The following FOCAD variants were observed in gnomAD, a reference collection of about 807,000 sequenced individuals.
FOCAD encodes the protein focadhesin.
A neutral mutation model predicts 225.6 loss-of-function variants in FOCAD; 198 were observed. The observed-to-expected ratio is 0.88, with a 90% CI of 0.78 to 0.99. The LOEUF is 0.99. Ranked by LOEUF, FOCAD falls within the 50% of genes least tolerant of loss-of-function variation. FOCAD has a pLI of 0.00. For synonymous variants in FOCAD, 897 were observed against 755.0 expected (o/e 1.19, Z -3.08); for missense variants, 2,713 against 2,123.6 (o/e 1.28, Z -5.46).
At position 20,995,668 on chromosome 9, in the gene FOCAD, A is replaced by C; in HGVS notation, c.*39A>C. Reference sequence around the variant, plus strand: ...AACCAGCAGCATTCTCAGCTGGATGAGGAAAACCATATAAGTGGAAGAAGT... The same window carrying C: ...AACCAGCAGCATTCTCAGCTGGATGCGGAAAACCATATAAGTGGAAGAAGT... On this transcript the variant is annotated 3_prime_UTR_variant, in exon 44 of 44. Transcript: ENST00000338382. 6.4e-7 allele frequency: 1 copy of C among 1,567,824 alleles called. No individual in the cohort carries two copies. Among genetic ancestry groups the C allele is most frequent in the Non-Finnish European group, 8.8e-7 (1 of 1,139,442 alleles).
intron 7 of FOCAD, among the ~76,000 whole-genome samples, chr9:20,767,828 A>C (rs1014216492): frequency 2.7e-5 from 4 of 150,596 alleles, no homozygotes; most frequent in South Asian, 4.2e-4. Context: ...TCTTTAGTTT[A>C]ATTAGATCCC....
chr9:20,662,666 C>T (rs1468353558), intron 2 of FOCAD, among the ~76,000 whole-genome samples: 1 of 152,038 alleles, frequency 6.6e-6, no homozygotes, highest in East Asian at 1.9e-4. Context: ...CATTATATTG[C>T]CCAGGCTGGT....
intron 11 of FOCAD, among the ~76,000 whole-genome samples, chr9:20,790,586 A>G (rs1027456807): frequency 4.6e-5 from 7 of 152,196 alleles, no homozygotes; most frequent in Non-Finnish European, 8.8e-5. Flanking sequence ...AGCCTGGCCA[A>G]CATGGCGAAA....
At chr9:20,671,532 C>T (rs1822063474) in intron 2 of FOCAD, among the ~76,000 whole-genome samples, 1 of 152,156 alleles carries the variant, frequency 6.6e-6, no homozygotes, top group African/African-American at 2.4e-5. Flanking sequence ...TATATGGTGA[C>T]TGTTCAGTTT....
intron 8 of FOCAD, among the ~76,000 whole-genome samples, chr9:20,771,152 TAGAG>T (rs886942545): frequency 4.6e-5 from 7 of 152,096 alleles, no homozygotes; most frequent in South Asian, 2.1e-4. Flanking sequence ...TGTGCCCAAA[TAGAG>T]AGACATGAAA....
intron 39 of FOCAD, among the ~76,000 whole-genome samples, chr9:20,982,927 A>T (rs1383761657): frequency 6.6e-6 from 1 of 152,246 alleles, no homozygotes. Context: ...GTACATGCCA[A>T]ATGACACACT....
At chr9:20,799,704 A>G (rs1821571064) in intron 11 of FOCAD, among the ~76,000 whole-genome samples, 2 of 151,994 alleles carry the variant, frequency 1.3e-5, no homozygotes, top group African/African-American at 4.8e-5. Context: ...TGCTTGGTAG[A>G]TCTTCCTCCA....
In FOCAD at chr9:20,978,457, A is replaced by G. The variant is rs779496131; in HGVS notation, c.4377+3A>G. The G allele has an allele frequency of 7.6e-6, 12 of 1,586,420 alleles. No homozygotes were observed. The highest frequency in any genetic ancestry group is 1.0e-5 in the Non-Finnish European group (12 of 1,161,308). ...CACCACTGATCCACAGTCTGAGTGT[A>G]TGTAGTAACTAAGGGTGTTGGCCAA... is the stretch of plus-strand genomic sequence containing the variant. On this transcript the variant is annotated splice_donor_region_variant and intron_variant, in intron 37 of 43. Coordinates refer to ENST00000338382, the MANE Select transcript of FOCAD (RefSeq NM_001375567.1).
At chr9:20,955,744 A>C (rs188508045) in intron 35 of FOCAD, among the ~76,000 whole-genome samples, 19 of 152,048 alleles carry the variant, frequency 1.2e-4, no homozygotes, top group African/African-American at 4.3e-4. Flanking sequence ...TTTGACTTTT[A>C]CTTTTTTGCT....
intron 21 of FOCAD, among the ~76,000 whole-genome samples, chr9:20,902,979 A>G (rs1042167269): frequency 1.3e-5 from 2 of 151,894 alleles, no homozygotes; most frequent in Non-Finnish European, 2.9e-5. Flanking sequence ...TTTCAATTCT[A>G]TTTTTATTTG....
At chr9:20,892,301 A>G (rs1831680725) in intron 21 of FOCAD, among the ~76,000 whole-genome samples, 1 of 152,160 alleles carries the variant, frequency 6.6e-6, no homozygotes, top group South Asian at 2.1e-4. Context: ...TGAGAAATGC[A>G]TTTTGTAAGG....
chr9:20,740,639 A>G (rs796953404), intron 5 of FOCAD, among the ~76,000 whole-genome samples: 13 of 152,320 alleles, frequency 8.5e-5, no homozygotes, highest in African/African-American at 2.9e-4. Flanking sequence ...TCACAGTATT[A>G]TGAAAATGGA....
At chr9:20,923,808 C>T (rs893947722) in intron 25 of FOCAD, 40 bp downstream of exon 25, 1 of 1,488,764 alleles carries the variant, frequency 6.7e-7, no homozygotes. Context: ...TTGATTATGT[C>T]TTTTTAAGCC....
chr9:20,658,050 G>C (rs968117401), upstream of FOCAD, among the ~76,000 whole-genome samples: 6 of 146,854 alleles, frequency 4.1e-5, no homozygotes, highest in Non-Finnish European at 7.5e-5. Flanking sequence ...TGAGGTGTCA[G>C]TGTGCCCCTG....
chr9:20,749,707 GA>G (rs1417355944), intron 5 of FOCAD, among the ~76,000 whole-genome samples: 1 of 152,114 alleles, frequency 6.6e-6, no homozygotes, highest in Non-Finnish European at 1.5e-5. Context: ...TCCTCACACA[GA>G]AAAGGCAATC....
intron 34 of FOCAD, among the ~76,000 whole-genome samples, chr9:20,951,808 G>A (rs1215686933): frequency 6.6e-6 from 1 of 152,154 alleles, no homozygotes. Context: ...TCTGCTCCTT[G>A]CTCTTTATAG....
In FOCAD at chr9:20,817,859, T is replaced by G. The variant is rs529315408; in HGVS notation, c.1456-1937T>G. On this transcript the variant is annotated intron_variant, in intron 11 of 43. Coordinates refer to ENST00000338382, the MANE Select transcript of FOCAD (RefSeq NM_001375567.1). ...CTTTTCTGAAAATTCATTTACAAGA[T>G]TTTGTGTGGACATATGTGTTCTTTT... Among the ~76,000 whole-genome samples, 5 of 152,300 alleles carry G rather than the reference T, an allele frequency of 3.3e-5. No homozygotes were observed. In the South Asian group the frequency reaches 1.0e-3, roughly 32 times the overall value.
At chr9:20,742,493 G>A (rs1193994772) in intron 5 of FOCAD, among the ~76,000 whole-genome samples, 1 of 152,132 alleles carries the variant, frequency 6.6e-6, no homozygotes, top group Non-Finnish European at 1.5e-5. Context: ...CCGCCGCATC[G>A]GCATACCTGT....
intron 5 of FOCAD, among the ~76,000 whole-genome samples, chr9:20,743,217 G>A (rs1161044773): frequency 6.6e-6 from 1 of 152,194 alleles, no homozygotes; most frequent in Non-Finnish European, 1.5e-5. Context: ...AAAGGGATAT[G>A]AGAAACTTAG....
Sources: gnomAD v4.1 joint callset for allele counts (sites outside exome capture counted in the v4.1 genomes callset) on GRCh38, gnomAD v4.1.1 for gene constraint, MANE v1.5 for transcripts, NCBI Gene and HGNC (gene_info 2026-07-23, HGNC 2026-07-21) for gene names.